ARHGAP18: variants seen among roughly 807,000 people sequenced by gnomAD.
The protein encoded by ARHGAP18 is Rho GTPase activating protein 18, also known as rho GTPase-activating protein 18.
Under a neutral mutation model 86.2 loss-of-function variants are expected in ARHGAP18, and 67 were observed. The ratio of observed to expected loss-of-function variants is 0.78; its 90% CI spans 0.64 to 0.95. The LOEUF is 0.95. ARHGAP18 is among the 40% of genes least tolerant of loss of function. The probability of loss-of-function intolerance (pLI) is 0.00; values close to 1 mark genes in which losing one functional copy is unlikely to be tolerated. For missense variants in ARHGAP18, 691 were observed against 780.4 expected (o/e 0.89, Z 1.37); for synonymous variants, 283 against 280.4 (o/e 1.01, Z -0.09).
chr6:129,690,012 GTCTTATGTTAA>G (rs1198359350), intron 1 of ARHGAP18, among the ~76,000 whole-genome samples: 3 of 152,154 alleles, frequency 2.0e-5, no homozygotes, highest in African/African-American at 4.8e-5. Flanking sequence ...TAAATTATGA[GTCTTATGTTAA>G]TCTTATGTTA....
intron 5 of ARHGAP18, among the ~76,000 whole-genome samples, chr6:129,625,081 T>A (rs1420070541): frequency 9.8e-6 from 1 of 102,514 alleles, no homozygotes; most frequent in Non-Finnish European, 1.8e-5. Flanking sequence ...ATAATATATA[T>A]GATATATGAT....
chr6:129,639,210 T>C (rs1322064133), intron 2 of ARHGAP18, among the ~76,000 whole-genome samples: 1 of 152,108 alleles, frequency 6.6e-6, no homozygotes, highest in African/African-American at 2.4e-5. Flanking sequence ...AAAAGCACAA[T>C]ATATCCAGCA....
At chr6:129,676,374 C>T (rs1405044949) in intron 1 of ARHGAP18, among the ~76,000 whole-genome samples, 1 of 152,126 alleles carries the variant, frequency 6.6e-6, no homozygotes, top group African/African-American at 2.4e-5. Context: ...ACCTACATCA[C>T]AGGGTCAGTC....
intron 2 of ARHGAP18, among the ~76,000 whole-genome samples, chr6:129,640,545 A>T (rs1773434048): frequency 6.6e-6 from 1 of 152,260 alleles, no homozygotes; most frequent in African/African-American, 2.4e-5. Context: ...AATAACAAGA[A>T]GTTAAAGAAT....
intron 12 of ARHGAP18, among the ~76,000 whole-genome samples, chr6:129,588,284 A>T (rs543918794): frequency 6.6e-6 from 1 of 151,922 alleles, no homozygotes; most frequent in Non-Finnish European, 1.5e-5. Context: ...TGCCCAGTTA[A>T]TTTTTGTATT....
rs1403930969 is a variant in ARHGAP18 at position 129,586,935 on chromosome 6, G to T, written c.1714-2823C>A. 4.6e-5 allele frequency among the ~76,000 whole-genome samples: 7 copies of T among 152,064 alleles called. No homozygotes were observed. In the South Asian group the frequency reaches 6.2e-4, roughly 14 times the overall value. Reference sequence around the variant, plus strand: ...CCTCAAACTCCATGGAACCTTCCATGCTCCACAGAGTCAAAAGGAATCTCT... The same window carrying T: ...CCTCAAACTCCATGGAACCTTCCATTCTCCACAGAGTCAAAAGGAATCTCT... On this transcript the variant is annotated intron_variant, in intron 12 of 14. Transcript: ENST00000368149.
At chr6:129,593,170 A>C (rs1250930260) in intron 12 of ARHGAP18, among the ~76,000 whole-genome samples, 4 of 152,074 alleles carry the variant, frequency 2.6e-5, no homozygotes. Flanking sequence ...GTTCTAAAAT[A>C]ATATTACCAG....
At chr6:129,631,652 A>G (rs1773213972) in intron 4 of ARHGAP18, among the ~76,000 whole-genome samples, 1 of 152,120 alleles carries the variant, frequency 6.6e-6, no homozygotes, top group African/African-American at 2.4e-5. Flanking sequence ...GCACTGGGTT[A>G]CAAACATTTT....
intron 1 of ARHGAP18, among the ~76,000 whole-genome samples, chr6:129,644,259 T>C (rs1186538016): frequency 6.6e-6 from 1 of 152,184 alleles, no homozygotes; most frequent in African/African-American, 2.4e-5. Context: ...ATCTCTGTAT[T>C]CCACCTGGGT....
At chr6:129,683,451 T>TC (rs1414977621) in intron 1 of ARHGAP18, among the ~76,000 whole-genome samples, 3 of 152,212 alleles carry the variant, frequency 2.0e-5, no homozygotes, top group Non-Finnish European at 4.4e-5. Context: ...GGGCTTTTTT[T>TC]CCCGTAGAAA....
chr6:129,702,828 C>T (rs1375931425), intron 1 of ARHGAP18, among the ~76,000 whole-genome samples: 4 of 152,180 alleles, frequency 2.6e-5, no homozygotes, highest in African/African-American at 4.8e-5. Context: ...GGCAAAACCC[C>T]GTCTCTACTG....
chr6:129,583,795 TA>T (rs773599920), intron 13 of ARHGAP18, among the ~76,000 whole-genome samples, 192 bp downstream of exon 13: 5 of 151,488 alleles, frequency 3.3e-5, no homozygotes, highest in Non-Finnish European at 7.4e-5. Context: ...TCAAATGAAC[TA>T]AACTCATTCC....
chr6:129,655,743 T>C (rs528970311), intron 1 of ARHGAP18, among the ~76,000 whole-genome samples: 274 of 152,358 alleles, frequency 1.8e-3, no homozygotes, highest in African/African-American at 6.4e-3. Flanking sequence ...AAACAAACTT[T>C]CATACGCCAA....
chr6:129,600,527 A>G, intron 11 of ARHGAP18, 115 bp downstream of exon 11: 1 of 816,980 alleles, frequency 1.2e-6, no homozygotes, highest in South Asian at 2.0e-5. Context: ...TATGAATAAA[A>G]TGTTTTTAAT....
chr6:129,653,741 A>G (rs1314328853), intron 1 of ARHGAP18, among the ~76,000 whole-genome samples: 1 of 152,246 alleles, frequency 6.6e-6, no homozygotes, highest in African/African-American at 2.4e-5. Context: ...TACATGAAAT[A>G]TAAAACAAGA....
At chr6:129,668,391 CACACACACAG>C (rs761058893) in intron 1 of ARHGAP18, among the ~76,000 whole-genome samples, 5,368 of 151,140 alleles carry the variant, frequency 0.036, 137 homozygotes, top group Non-Finnish European at 0.047. Context: ...CACACACACA[CACACACACAG>C]ACACACACAC....
chr6:129,625,210 AAT>A (rs1363420709), intron 5 of ARHGAP18, among the ~76,000 whole-genome samples: 1 of 55,246 alleles, frequency 1.8e-5, no homozygotes, highest in Non-Finnish European at 3.0e-5. Context: ...ATTTATATGT[AAT>A]ATATATGATA....
intron 2 of ARHGAP18, among the ~76,000 whole-genome samples, chr6:129,640,599 A>C (rs1379933057): frequency 6.6e-6 from 1 of 152,236 alleles, no homozygotes; most frequent in East Asian, 1.9e-4. Flanking sequence ...TAAATTAAGA[A>C]AAAACCCCAA....
intron 1 of ARHGAP18, among the ~76,000 whole-genome samples, chr6:129,655,317 C>CA (rs55681217): frequency 0.038 from 2,858 of 74,876 alleles, 63 homozygotes; most frequent in Non-Finnish European, 0.049. Context: ...AAAACTCTCT[C>CA]AAAAAAAAAA....
Sources: allele counts gnomAD v4.1 joint callset (sites outside exome capture counted in the v4.1 genomes callset), GRCh38; gene constraint gnomAD v4.1.1; transcripts MANE v1.5; gene names NCBI Gene and HGNC (gene_info 2026-07-23, HGNC 2026-07-21).